Variants in ITGA6 observed in about 807,000 individuals in gnomAD.
ITGA6 encodes integrin subunit alpha 6.
ITGA6 carries 63 observed loss-of-function variants against 133.6 expected under a neutral mutation model. The ratio of observed to expected loss-of-function variants is 0.47; its 90% CI spans 0.38 to 0.58. ITGA6 has a LOEUF of 0.58. Ranked by LOEUF, ITGA6 falls within the 20% of genes least tolerant of loss-of-function variation. The pLI, the probability that ITGA6 is intolerant of heterozygous loss-of-function variation, is 0.00. For synonymous variants in ITGA6, 434 were observed against 482.0 expected (o/e 0.90, Z 1.30); for missense variants, 1,068 against 1,309.4 (o/e 0.82, Z 2.85).
At chr2:172,447,842 AT>A (rs1684827366) in intron 1 of ITGA6, among the ~76,000 whole-genome samples, 1 of 151,446 alleles carries the variant, frequency 6.6e-6, no homozygotes, top group Admixed American at 6.6e-5. Context: ...GTGATTTCAC[AT>A]TTTTTCCCCC....
At chr2:172,455,626 A>G (rs140816780) in intron 1 of ITGA6, among the ~76,000 whole-genome samples, 1 of 152,302 alleles carries the variant, frequency 6.6e-6, no homozygotes, top group Non-Finnish European at 1.5e-5. Flanking sequence ...ATATACTGAA[A>G]TAGTTTCCTT....
chr2:172,442,089 G>A (rs1473853509), intron 1 of ITGA6, among the ~76,000 whole-genome samples: 1 of 152,106 alleles, frequency 6.6e-6, no homozygotes, highest in Non-Finnish European at 1.5e-5. Context: ...TTTGCCTGTG[G>A]CCACAAATCC....
chr2:172,430,581 A>G (rs1343678940), intron 1 of ITGA6, among the ~76,000 whole-genome samples: 2 of 152,328 alleles, frequency 1.3e-5, no homozygotes, highest in East Asian at 3.9e-4. Flanking sequence ...TTGTAGTTCA[A>G]ATTTTCTATA....
chr2:172,475,190 G>A (rs1686116373), intron 7 of ITGA6, 68 bp downstream of exon 7: 1 of 1,091,028 alleles, frequency 9.2e-7, no homozygotes, highest in African/African-American at 1.6e-5. Flanking sequence ...TAGCGCTGCT[G>A]GGCACAGTGG....
intron 11 of ITGA6, among the ~76,000 whole-genome samples, chr2:172,480,400 G>A (rs1465594909): frequency 2.6e-5 from 4 of 152,202 alleles, no homozygotes; most frequent in Admixed American, 6.5e-5. Context: ...GGTGGCTGGT[G>A]GTTGTGAGGT....
chr2:172,452,498 GCA>G (rs1301197362), intron 1 of ITGA6, among the ~76,000 whole-genome samples: 1 of 152,220 alleles, frequency 6.6e-6, no homozygotes, highest in Non-Finnish European at 1.5e-5. Context: ...GGCAGCATTT[GCA>G]CAGTGTGGGA....
chr2:172,432,275 A>G (rs1376055356), intron 1 of ITGA6, among the ~76,000 whole-genome samples: 1 of 152,146 alleles, frequency 6.6e-6, no homozygotes, highest in Admixed American at 6.5e-5. Flanking sequence ...AATGTCTTTA[A>G]CTCCTTTGGA....
intron 1 of ITGA6, among the ~76,000 whole-genome samples, chr2:172,446,574 C>A (rs1684776894): frequency 6.6e-6 from 1 of 152,192 alleles, no homozygotes. Flanking sequence ...AGCTCACAAT[C>A]CAAGTGTGTA....
chr2:172,485,268 A>T lies in ITGA6; in HGVS notation c.1854+4A>T. ...ACCCAAGACAGCTCATATTGATGTA[A>T]GTCTCTCTGACTTTCATTTTGCCAA... On this transcript the variant is annotated splice_donor_region_variant and intron_variant, in intron 13 of 25. Transcript: ENST00000684293. 2 of 1,613,902 alleles carry T rather than the reference A, an allele frequency of 1.2e-6. No homozygotes were observed. Among genetic ancestry groups the T allele is most frequent in the Non-Finnish European group, 1.7e-6 (2 of 1,179,896 alleles).
chr2:172,442,811 AAG>A (rs1244207924), intron 1 of ITGA6, among the ~76,000 whole-genome samples: 2 of 151,930 alleles, frequency 1.3e-5, no homozygotes, highest in African/African-American at 4.8e-5. Flanking sequence ...TGCCCACATA[AAG>A]AGAGCATGTG....
At position 172,506,207 on chromosome 2, in the gene ITGA6, AAC is replaced by A. The variant is rs1687556074; in HGVS notation, c.*2143_*2144del. The stretch of plus-strand genomic sequence containing the variant: ...TTTATAAAAGTGTTCATTGTTTCGT[AAC>A]ACAGCATTGTATATGTGAAGCAAAC... On this transcript the variant is annotated 3_prime_UTR_variant, in exon 26 of 26. Coordinates refer to ENST00000684293, the MANE Select transcript of ITGA6 (RefSeq NM_000210.4). The A allele has an allele frequency of 6.6e-6, 1 of 152,654 alleles. No homozygotes were observed. Among genetic ancestry groups the A allele is most frequent in the African/African-American group, 2.4e-5 (1 of 41,456 alleles). The allele number at this position is 152,654 out of a possible 1,614,324, so 9.5% of individuals were successfully genotyped here.
chr2:172,479,904 G>A (rs1403839635), intron 10 of ITGA6, 86 bp from the exon 11 acceptor site: 2 of 1,063,196 alleles, frequency 1.9e-6, no homozygotes, highest in South Asian at 1.3e-5. Flanking sequence ...ATGGGCATTG[G>A]GGGGATTGGA....
intron 11 of ITGA6, chr2:172,480,745 G>C (rs1686407640): frequency 6.6e-6 from 1 of 152,638 alleles, no homozygotes; most frequent in South Asian, 2.1e-4. Flanking sequence ...AAAGCACTTT[G>C]TCATTTATTA....
At chr2:172,454,091 G>GT (rs35793204) in intron 1 of ITGA6, among the ~76,000 whole-genome samples, 12,372 of 142,942 alleles carry the variant, frequency 0.087, 783 homozygotes, top group African/African-American at 0.17. Flanking sequence ...GTTTTGTTTT[G>GT]TTTTTTTTTT....
chr2:172,435,539 T>A (rs183170542), intron 1 of ITGA6, among the ~76,000 whole-genome samples: 6 of 150,514 alleles, frequency 4.0e-5, no homozygotes, highest in African/African-American at 1.2e-4. Context: ...TGTTTTCCAA[T>A]CAAAGGTGCT....
intron 1 of ITGA6, among the ~76,000 whole-genome samples, chr2:172,446,076 G>T (rs922106182): frequency 3.3e-5 from 5 of 152,208 alleles, no homozygotes; most frequent in Non-Finnish European, 7.3e-5. Flanking sequence ...CTGATGTTGG[G>T]TGACAGCCAG....
At chr2:172,489,379 A>G (rs1471153446) in intron 19 of ITGA6, 106 bp from the exon 20 acceptor site, 31 of 857,646 alleles carry the variant, frequency 3.6e-5, no homozygotes, top group Non-Finnish European at 4.8e-5. Context: ...CTTTTATTAT[A>G]GGATTACGTT....
intron 1 of ITGA6, among the ~76,000 whole-genome samples, chr2:172,451,114 C>G (rs1472928470): frequency 6.6e-6 from 1 of 150,762 alleles, no homozygotes; most frequent in Non-Finnish European, 1.5e-5. Flanking sequence ...AAGATTGCAC[C>G]ACTGCACTCC....
chr2:172,465,145 A>G (rs1685596624), intron 1 of ITGA6: 1 of 286,998 alleles, frequency 3.5e-6, no homozygotes, highest in Non-Finnish European at 6.8e-6. Flanking sequence ...TAGTGTGGCC[A>G]TTTTTTCCTT....
Sources: gnomAD v4.1 joint callset for allele counts (sites outside exome capture counted in the v4.1 genomes callset) on GRCh38, gnomAD v4.1.1 for gene constraint, MANE v1.5 for transcripts, NCBI Gene and HGNC (gene_info 2026-07-23, HGNC 2026-07-21) for gene names.